The following GMDS variants were observed in gnomAD, a reference collection of about 807,000 sequenced individuals.
GMDS encodes the protein GDP-mannose 4,6-dehydratase.
GMDS carries 20 observed loss-of-function variants against 49.9 expected under a neutral mutation model. The ratio of observed to expected loss-of-function variants is 0.40; its 90% CI spans 0.28 to 0.58. The LOEUF (loss-of-function observed/expected upper bound fraction) is 0.58, where lower values mean the gene tolerates loss of function less well. Among genes scored for constraint, GMDS ranks in the 20% least tolerant of loss-of-function variants. The pLI is 0.42. For missense variants in GMDS, 362 were observed against 481.4 expected (o/e 0.75, Z 2.32); for synonymous variants, 177 against 178.6 (o/e 0.99, Z 0.07).
At chr6:2,208,854 T>TAAA (rs34346221) in intron 1 of GMDS, among the ~76,000 whole-genome samples, 12 of 142,406 alleles carry the variant, frequency 8.4e-5, no homozygotes, top group East Asian at 2.0e-4. Flanking sequence ...TGGGCTACAT[T>TAAA]AAAAAAAAAA....
chr6:1,814,278 A>G (rs1270702297), intron 7 of GMDS, among the ~76,000 whole-genome samples: 1 of 152,204 alleles, frequency 6.6e-6, no homozygotes, highest in Non-Finnish European at 1.5e-5. Flanking sequence ...CACTACAGGA[A>G]GAAGCATCCC....
intron 1 of GMDS, among the ~76,000 whole-genome samples, chr6:2,149,084 A>G (rs532418871): frequency 2.0e-5 from 3 of 152,152 alleles, no homozygotes; most frequent in Admixed American, 6.5e-5. Flanking sequence ...GACATAAAAT[A>G]CGGAAAAGAA....
intron 7 of GMDS, among the ~76,000 whole-genome samples, chr6:1,817,123 A>G (rs1039015141): frequency 1.3e-5 from 2 of 150,478 alleles, no homozygotes; most frequent in African/African-American, 4.9e-5. Flanking sequence ...ACACACACAC[A>G]CACACTCACA....
rs1451586542 is a variant in GMDS, at chr6:1,833,626, T to G, written c.772-91040A>C. Among the ~76,000 whole-genome samples, 3 of 152,186 alleles carry G rather than the reference T, an allele frequency of 2.0e-5. No individual in the cohort carries two copies. The highest frequency in any genetic ancestry group is 4.4e-5 in the Non-Finnish European group (3 of 68,024). On this transcript the variant is annotated intron_variant, in intron 7 of 10. Coordinates refer to ENST00000380815, the MANE Select transcript of GMDS (RefSeq NM_001500.4). The surrounding 1 kb of genome is among the most constrained non-coding windows in gnomAD (Gnocchi z 4.4). ...TGTTTAGACTCATGACAAGTCTTTG[T>G]GCAGAAAACAAAACTTCACACCCCA...
chr6:2,051,153 G>A (rs1379184052), intron 4 of GMDS, among the ~76,000 whole-genome samples: 1 of 152,128 alleles, frequency 6.6e-6, no homozygotes, highest in African/African-American at 2.4e-5. Flanking sequence ...GCCATGAGCC[G>A]AGGAATGTAG....
chr6:1,993,581 G>A (rs1474729753), intron 4 of GMDS, among the ~76,000 whole-genome samples: 1 of 152,142 alleles, frequency 6.6e-6, no homozygotes, highest in Non-Finnish European at 1.5e-5. Flanking sequence ...AAAAAAGTGC[G>A]ACGGAAGCTC....
intron 4 of GMDS, among the ~76,000 whole-genome samples, chr6:1,961,444 A>G (rs971551038): frequency 2.0e-5 from 3 of 152,234 alleles, no homozygotes; most frequent in Admixed American, 6.5e-5. Flanking sequence ...TTTCTATTCT[A>G]AAGGTACAAT....
chr6:1,891,621 C>A (rs1164450977), intron 7 of GMDS, among the ~76,000 whole-genome samples: 2 of 152,158 alleles, frequency 1.3e-5, no homozygotes, highest in South Asian at 4.1e-4. Flanking sequence ...AGTGTTAGGT[C>A]AAGAAGAGGA....
intron 7 of GMDS, among the ~76,000 whole-genome samples, chr6:1,857,858 C>A (rs1758005845): frequency 6.6e-6 from 1 of 152,092 alleles, no homozygotes; most frequent in Non-Finnish European, 1.5e-5. Flanking sequence ...TGATTATGAT[C>A]AAAATATACT....
chr6:2,089,457 C>T (rs1773195308), intron 4 of GMDS, among the ~76,000 whole-genome samples: 1 of 151,200 alleles, frequency 6.6e-6, no homozygotes, highest in Non-Finnish European at 1.5e-5. Context: ...ATTTTCAATG[C>T]AAATAAAACA....
chr6:2,123,532 G>A (rs1215664247), intron 2 of GMDS, among the ~76,000 whole-genome samples: 3 of 152,156 alleles, frequency 2.0e-5, no homozygotes, highest in Non-Finnish European at 2.9e-5. Flanking sequence ...TCTCTGCCAA[G>A]CTATTCCTTT....
chr6:1,861,911 C>G (rs372915409), intron 7 of GMDS, among the ~76,000 whole-genome samples: 2 of 152,166 alleles, frequency 1.3e-5, no homozygotes, highest in East Asian at 3.8e-4. Context: ...ATCTGTTGCA[C>G]TGAAAATTAT....
At chr6:2,112,400 T>C (rs1774597727) in intron 4 of GMDS, among the ~76,000 whole-genome samples, 1 of 152,148 alleles carries the variant, frequency 6.6e-6, no homozygotes, top group African/African-American at 2.4e-5. Context: ...CATATTCTAT[T>C]TGGATAAACC....
chr6:2,011,196 A>G (rs1246401259), intron 4 of GMDS, among the ~76,000 whole-genome samples: 1 of 152,184 alleles, frequency 6.6e-6, no homozygotes, highest in Admixed American at 6.5e-5. Context: ...GCATAAGAAA[A>G]AATGATCACA....
At chr6:1,871,058 G>GCACA (rs3839602) in intron 7 of GMDS, among the ~76,000 whole-genome samples, 4,614 of 147,152 alleles carry the variant, frequency 0.031, 163 homozygotes, top group African/African-American at 0.089. Flanking sequence ...CTATCCCCCA[G>GCACA]CACACACACA....
At chr6:2,217,321 C>T (rs900318334) in intron 1 of GMDS, among the ~76,000 whole-genome samples, 3 of 152,184 alleles carry the variant, frequency 2.0e-5, no homozygotes, top group Non-Finnish European at 2.9e-5. Flanking sequence ...TACCAGGACA[C>T]GTGTTTGCCT....
At chr6:2,227,743 G>A (rs994769040) in intron 1 of GMDS, among the ~76,000 whole-genome samples, 3 of 152,154 alleles carry the variant, frequency 2.0e-5, no homozygotes, top group African/African-American at 7.2e-5. Context: ...AGGTCCCCTG[G>A]GTCACAATAG....
intron 4 of GMDS, among the ~76,000 whole-genome samples, chr6:2,075,611 T>G (rs992010982): frequency 6.6e-6 from 1 of 152,192 alleles, no homozygotes; most frequent in African/African-American, 2.4e-5. Context: ...GCTACATAGT[T>G]TTCCATGGTG....
At chr6:2,154,881 A>AC in intron 1 of GMDS, among the ~76,000 whole-genome samples, 1 of 150,734 alleles carries the variant, frequency 6.6e-6, no homozygotes, top group South Asian at 2.1e-4. Context: ...AAAAAAAAAA[A>AC]AAAAAGACAA....
Sources: gnomAD v4.1 joint callset for allele counts (sites outside exome capture counted in the v4.1 genomes callset) on GRCh38, gnomAD v4.1.1 for gene constraint, Gnocchi (gnomAD v3.1) non-coding constraint, MANE v1.5 for transcripts, NCBI Gene and HGNC (gene_info 2026-07-23, HGNC 2026-07-21) for gene names.